The following ARHGAP18 variants were observed in gnomAD, a reference collection of about 807,000 sequenced individuals.
The protein encoded by ARHGAP18 is Rho GTPase activating protein 18, also known as rho GTPase-activating protein 18.
Under a neutral mutation model 86.2 loss-of-function variants are expected in ARHGAP18, and 67 were observed. The ratio of observed to expected loss-of-function variants is 0.78; its 90% CI spans 0.64 to 0.95. ARHGAP18 has a LOEUF of 0.95. Among genes scored for constraint, ARHGAP18 ranks in the 40% least tolerant of loss-of-function variants. ARHGAP18 has a pLI of 0.00. For missense variants in ARHGAP18, 691 were observed against 780.4 expected, an observed-to-expected ratio of 0.89 and a Z score of 1.37; for synonymous variants, 283 against 280.4, an observed-to-expected ratio of 1.01 and a Z score of -0.09.
At chr6:129,642,098 T>C (rs537047273) in intron 1 of ARHGAP18, 80 bp from the exon 2 acceptor site, 2 of 1,308,038 alleles carry the variant, frequency 1.5e-6, no homozygotes, top group African/African-American at 2.9e-5. Context: ...AGCAACAAGC[T>C]GGAGAATTTA....
intron 1 of ARHGAP18, among the ~76,000 whole-genome samples, chr6:129,668,133 G>A (rs576818581): frequency 6.6e-5 from 10 of 152,274 alleles, no homozygotes; most frequent in African/African-American, 2.4e-4. Flanking sequence ...GAATTATCGT[G>A]TAACAAGCTT....
At chr6:129,630,840 G>A (rs1465177770) in intron 4 of ARHGAP18, among the ~76,000 whole-genome samples, 1 of 152,076 alleles carries the variant, frequency 6.6e-6, no homozygotes, top group Admixed American at 6.6e-5. Flanking sequence ...GTTTGTCCCT[G>A]ACCTTGCAAA....
chr6:129,592,906 A>T (rs1250960858), intron 12 of ARHGAP18, among the ~76,000 whole-genome samples: 1 of 152,190 alleles, frequency 6.6e-6, no homozygotes, highest in Non-Finnish European at 1.5e-5. Flanking sequence ...ATGCAACAAG[A>T]TCAGAAAAAT....
chr6:129,612,411 T>A (rs1185486561), intron 7 of ARHGAP18, among the ~76,000 whole-genome samples: 1 of 152,192 alleles, frequency 6.6e-6, no homozygotes, highest in Non-Finnish European at 1.5e-5. Context: ...TTTCCTAGCA[T>A]CATATAGGTT....
chr6:129,632,617 C>T (rs1337394854), intron 4 of ARHGAP18, among the ~76,000 whole-genome samples: 1 of 152,170 alleles, frequency 6.6e-6, no homozygotes, highest in Admixed American at 6.5e-5. Context: ...TTGCTTGCCA[C>T]TTCAGCATCT....
intron 5 of ARHGAP18, among the ~76,000 whole-genome samples, chr6:129,628,024 C>G (rs938206169): frequency 6.6e-6 from 1 of 152,020 alleles, no homozygotes; most frequent in Non-Finnish European, 1.5e-5. Context: ...TGGCCATGGG[C>G]TAATGAATGT....
chr6:129,649,778 C>T (rs770619470), intron 1 of ARHGAP18, among the ~76,000 whole-genome samples: 2 of 152,024 alleles, frequency 1.3e-5, no homozygotes, highest in Non-Finnish European at 2.9e-5. Context: ...ATTAATGACA[C>T]TGTTAAGAAC....
chr6:129,683,075 T>TTTTTTTTTTTTTTTTTTTG (rs1774352887), intron 1 of ARHGAP18, among the ~76,000 whole-genome samples: 1 of 146,094 alleles, frequency 6.8e-6, no homozygotes, highest in African/African-American at 2.6e-5. Context: ...TTTTGTTTTT[T>TTTTTTTTTTTTTTTTTTTG]TTTTTGTTTT....
chr6:129,683,055 C>CTTTTTTTTTTTTTTTTTTTTTTTTTTTTT (rs199633610), intron 1 of ARHGAP18, among the ~76,000 whole-genome samples: 1 of 139,090 alleles, frequency 7.2e-6, no homozygotes. Context: ...TTTGTTTTTT[C>CTTTTTTTTTTTTTTTTTTTTTTTTTTTTT]TTTTTTTTTT....
intron 7 of ARHGAP18, among the ~76,000 whole-genome samples, chr6:129,612,245 G>A (rs1398808385): frequency 6.6e-6 from 1 of 152,144 alleles, no homozygotes; most frequent in Non-Finnish European, 1.5e-5. Context: ...AAATTACAAT[G>A]ACTACTGGAG....
At chr6:129,638,717 C>T in intron 2 of ARHGAP18, 88 bp from the exon 3 acceptor site, 1 of 1,234,594 alleles carries the variant, frequency 8.1e-7, no homozygotes, top group South Asian at 1.4e-5. Context: ...TACTAAAACT[C>T]TTCTATTGTA....
chr6:129,701,037 A>G (rs1034810972), intron 1 of ARHGAP18, among the ~76,000 whole-genome samples: 1 of 152,132 alleles, frequency 6.6e-6, no homozygotes, highest in Non-Finnish European at 1.5e-5. Flanking sequence ...CTCACCCTCA[A>G]TGAACTTACA....
chr6:129,633,886 A>G (rs1253636279), intron 4 of ARHGAP18, among the ~76,000 whole-genome samples, 156 bp downstream of exon 4: 1 of 152,180 alleles, frequency 6.6e-6, no homozygotes, highest in African/African-American at 2.4e-5. Context: ...GGCCAGCTAT[A>G]TGCTCAGCCT....
intron 1 of ARHGAP18, among the ~76,000 whole-genome samples, chr6:129,643,568 C>T (rs375708130): frequency 2.0e-5 from 3 of 152,030 alleles, no homozygotes; most frequent in South Asian, 2.1e-4. Context: ...TTACAAGCAG[C>T]GTGAGAATGG....
At chr6:129,580,567 A>G (rs1326513510) in intron 13 of ARHGAP18, among the ~76,000 whole-genome samples, 1 of 152,208 alleles carries the variant, frequency 6.6e-6, no homozygotes, top group Non-Finnish European at 1.5e-5. Context: ...CAACTCCAGT[A>G]GTGTGCAAGA....
chr6:129,645,902 AT>A (rs1773569034), intron 1 of ARHGAP18, among the ~76,000 whole-genome samples: 1 of 151,926 alleles, frequency 6.6e-6, no homozygotes, highest in South Asian at 2.1e-4. Context: ...GTTTTGTTGT[AT>A]TTTCCCAAGG....
chr6:129,636,561 A>G (rs1298799632), intron 3 of ARHGAP18, among the ~76,000 whole-genome samples: 1 of 152,218 alleles, frequency 6.6e-6, no homozygotes, highest in Non-Finnish European at 1.5e-5. Flanking sequence ...TGGGTTTACT[A>G]TCTACAGGAC....
intron 5 of ARHGAP18, among the ~76,000 whole-genome samples, chr6:129,621,791 G>A (rs1240355437): frequency 6.6e-6 from 1 of 151,928 alleles, no homozygotes; most frequent in Non-Finnish European, 1.5e-5. Flanking sequence ...TCGAAAAACA[G>A]TTCATTTAAT....
At chr6:129,700,879 T>G (rs1765738926) in intron 1 of ARHGAP18, among the ~76,000 whole-genome samples, 1 of 152,006 alleles carries the variant, frequency 6.6e-6, no homozygotes, top group African/African-American at 2.4e-5. Context: ...CCAAAATCTG[T>G]GTATGCAATC....
Sources: allele counts gnomAD v4.1 joint callset (sites outside exome capture counted in the v4.1 genomes callset), GRCh38; gene constraint gnomAD v4.1.1; transcripts MANE v1.5; gene names NCBI Gene and HGNC (gene_info 2026-07-23, HGNC 2026-07-21).